Variants in NUFIP1 observed in about 807,000 individuals in gnomAD.
NUFIP1 encodes nuclear FMR1 interacting protein 1, also known as FMR1-interacting protein NUFIP1.
In NUFIP1, 38 loss-of-function variants were observed where a neutral mutation model predicts 56.2. The observed-to-expected ratio is 0.68, with a 90% confidence interval of 0.52 to 0.89. The LOEUF (loss-of-function observed/expected upper bound fraction) is 0.89, where lower values mean the gene tolerates loss of function less well. NUFIP1 is among the 40% of genes least tolerant of loss of function. NUFIP1 has a pLI of 0.00. For synonymous variants in NUFIP1, 215 were observed against 212.4 expected (o/e 1.01, Z -0.10); for missense variants, 567 against 605.8 (o/e 0.94, Z 0.67).
chr13:44,962,095 G>T (rs983541074), intron 6 of NUFIP1, among the ~76,000 whole-genome samples: 4 of 152,120 alleles, frequency 2.6e-5, no homozygotes, highest in African/African-American at 9.7e-5. Flanking sequence ...ATAAAAAAAA[G>T]ATTCCATCCA....
chr13:44,973,689 T>C (rs1027353203), intron 5 of NUFIP1, among the ~76,000 whole-genome samples: 9 of 152,108 alleles, frequency 5.9e-5, no homozygotes, highest in Admixed American at 1.3e-4. Context: ...AGAAAGGAGA[T>C]ACCATATTCA....
At chr13:44,944,554 G>A (rs1870850544) in intron 8 of NUFIP1, among the ~76,000 whole-genome samples, 1 of 151,988 alleles carries the variant, frequency 6.6e-6, no homozygotes, top group Non-Finnish European at 1.5e-5. Context: ...CAGAAAATTC[G>A]TAGGGATACA....
intron 5 of NUFIP1, 64 bp from the exon 6 acceptor site, chr13:44,966,000 A>G: frequency 1.1e-6 from 1 of 920,506 alleles, no homozygotes; most frequent in Non-Finnish European, 1.6e-6. Flanking sequence ...TAAGCAATCA[A>G]GCAATTGCTG....
intron 7 of NUFIP1, among the ~76,000 whole-genome samples, chr13:44,951,948 G>C (rs1234609159): frequency 6.6e-6 from 1 of 152,192 alleles, no homozygotes; most frequent in African/African-American, 2.4e-5. Flanking sequence ...GGTCACTAAA[G>C]GCTGGGGTGA....
intron 5 of NUFIP1, among the ~76,000 whole-genome samples, chr13:44,972,471 T>C (rs1315780616): frequency 6.6e-6 from 1 of 152,106 alleles, no homozygotes. Flanking sequence ...GAACAAAAAA[T>C]AAATCAGTGG....
chr13:44,978,469 T>C (rs1872065474), intron 5 of NUFIP1, among the ~76,000 whole-genome samples: 1 of 152,238 alleles, frequency 6.6e-6, no homozygotes, highest in Non-Finnish European at 1.5e-5. Flanking sequence ...CATAGTCTTC[T>C]GCTTCAGGAT....
intron 5 of NUFIP1, among the ~76,000 whole-genome samples, chr13:44,976,631 G>T (rs958023048): frequency 3.3e-5 from 5 of 152,140 alleles, no homozygotes; most frequent in African/African-American, 1.2e-4. Flanking sequence ...AGAAGCCAAG[G>T]AACTTCAGAT....
chr13:44,976,344 A>AAGAAAGG (rs1185396554), intron 5 of NUFIP1, among the ~76,000 whole-genome samples: 1 of 151,522 alleles, frequency 6.6e-6, no homozygotes, highest in East Asian at 1.9e-4. Context: ...GAAGGAGAAG[A>AAGAAAGG]AGAAAGGAGA....
Position 44,939,979 on chromosome 13 carries a change from G to T in NUFIP1, c.*1227C>A, listed in dbSNP as rs541027700. The stretch of plus-strand genomic sequence containing the variant: ...TGTAACACTAGTTACTTCATCCTGA[G>T]TTGGTTGGGAATCACATCTTTGAAT... On this transcript the variant is annotated 3_prime_UTR_variant, in exon 10 of 10. Coordinates refer to ENST00000379161, the MANE Select transcript of NUFIP1 (RefSeq NM_012345.3). 1.6e-4 allele frequency: 24 copies of T among 152,242 alleles called. No homozygotes were observed. The South Asian group carries it at 5.0e-3, about 32-fold the overall frequency. 9.4% of individuals were successfully genotyped at this position (152,242 alleles called of 1,614,324 possible). A position where few individuals can be genotyped will look rare whatever the true frequency, so the allele number is the denominator to read the frequency against.
intron 8 of NUFIP1, among the ~76,000 whole-genome samples, chr13:44,945,608 G>A (rs1870880144): frequency 6.6e-6 from 1 of 151,892 alleles, no homozygotes. Context: ...GTATTAAAAG[G>A]GTAATAGACC....
At position 44,949,835 on chromosome 13, in the gene NUFIP1, G is replaced by A. The variant is rs1367687461; in HGVS notation, c.1025C>T (p.Ser342Phe). The A allele has an allele frequency of 6.2e-7, 1 of 1,605,546 alleles. No individual in the cohort carries two copies. Among genetic ancestry groups the A allele is most frequent in the Non-Finnish European group, 8.5e-7 (1 of 1,172,410 alleles). Residue 342 changes from serine to phenylalanine, a missense_variant, in exon 8 of 10, where the codon TCT becomes TTT. Transcript: ENST00000379161. ...LGVLINSDSE[S>F]DKEEKPQHSV... ...ATGTTGTGGTTTCTCCTCCTTATCA[G>A]ACTCTGAAGGGAAAAGAAGTCAGAT...
chr13:44,943,260 TC>T (rs1870803441), intron 9 of NUFIP1, among the ~76,000 whole-genome samples, 181 bp downstream of exon 9: 1 of 152,136 alleles, frequency 6.6e-6, no homozygotes, highest in African/African-American at 2.4e-5. Context: ...TATTCCACAT[TC>T]ACTGAATATA....
chr13:44,961,868 G>C (rs1201850107), intron 6 of NUFIP1, among the ~76,000 whole-genome samples: 2 of 152,194 alleles, frequency 1.3e-5, no homozygotes, highest in African/African-American at 4.8e-5. Flanking sequence ...TAAGTAATGA[G>C]TTAAGAAGAT....
At chr13:44,949,127 A>AT (rs1870993828) in intron 8 of NUFIP1, among the ~76,000 whole-genome samples, 1 of 150,856 alleles carries the variant, frequency 6.6e-6, no homozygotes, top group Non-Finnish European at 1.5e-5. Context: ...TCTTTTTGCC[A>AT]TTTCGTTTAG....
intron 6 of NUFIP1, among the ~76,000 whole-genome samples, chr13:44,962,855 G>C (rs984308746): frequency 5.3e-5 from 8 of 152,132 alleles, no homozygotes; most frequent in African/African-American, 1.9e-4. Context: ...TTAGCATTGT[G>C]TTACAACTGG....
intron 9 of NUFIP1, 150 bp downstream of exon 9, chr13:44,943,292 G>A: frequency 1.6e-6 from 1 of 627,512 alleles, no homozygotes; most frequent in African/African-American, 1.8e-5. Flanking sequence ...GCCAAATGTA[G>A]CTACAGAATT....
At chr13:44,960,838 G>A (rs568617961) in intron 6 of NUFIP1, among the ~76,000 whole-genome samples, 19 of 152,062 alleles carry the variant, frequency 1.2e-4, no homozygotes, top group African/African-American at 1.7e-4. Context: ...CAAGGTGGGC[G>A]GATCACTTGA....
chr13:44,949,843 A>G lies in NUFIP1; in HGVS notation c.1022-5T>C. 1 of 1,578,754 alleles carries G rather than the reference A, an allele frequency of 6.3e-7. No individual in the cohort carries two copies. The highest frequency in any genetic ancestry group is 8.7e-7 in the Non-Finnish European group (1 of 1,147,882). On this transcript the variant is annotated splice_polypyrimidine_tract_variant and splice_region_variant and intron_variant, in intron 7 of 9. Coordinates refer to ENST00000379161, the MANE Select transcript of NUFIP1 (RefSeq NM_012345.3). ...GTTTCTCCTCCTTATCAGACTCTGA[A>G]GGGAAAAGAAGTCAGATTCAAAACA...
chr13:44,945,929 T>C (rs1870890158), intron 8 of NUFIP1, among the ~76,000 whole-genome samples: 1 of 152,066 alleles, frequency 6.6e-6, no homozygotes, highest in Non-Finnish European at 1.5e-5. Flanking sequence ...GAAATTATAT[T>C]TGAAAAGAAG....
Sources: allele counts gnomAD v4.1 joint callset (sites outside exome capture counted in the v4.1 genomes callset), GRCh38; gene constraint gnomAD v4.1.1; transcripts MANE v1.5; gene names NCBI Gene and HGNC (gene_info 2026-07-23, HGNC 2026-07-21).